ALKBH5: variants seen among roughly 807,000 people sequenced by gnomAD.
The protein encoded by ALKBH5 is RNA demethylase ALKBH5.
Under a neutral mutation model 32.1 loss-of-function variants are expected in ALKBH5, and 2 were observed. That is an observed-to-expected ratio of 0.06 (90% CI 0.03 to 0.20). The LOEUF (loss-of-function observed/expected upper bound fraction) is 0.20, where lower values mean the gene tolerates loss of function less well. Among genes scored for constraint, ALKBH5 ranks in the 10% least tolerant of loss-of-function variants. The pLI is 1.00. For synonymous variants in ALKBH5, 300 were observed against 231.7 expected, an observed-to-expected ratio of 1.29 and a Z score of -2.68; for missense variants, 352 against 559.5, an observed-to-expected ratio of 0.63 and a Z score of 3.74.
At chr17:18,208,179 C>T (rs1239581143) in intron 3 of ALKBH5, 40 bp from the exon 4 acceptor site, 2 of 1,565,054 alleles carry the variant, frequency 1.3e-6, no homozygotes, top group Admixed American at 1.9e-5. Context: ...GCGCCTCCTG[C>T]CAGCCTCTCA....
At chr17:18,187,395 G>A (rs62073654) in intron 1 of ALKBH5, among the ~76,000 whole-genome samples, 2 of 152,174 alleles carry the variant, frequency 1.3e-5, no homozygotes, top group Non-Finnish European at 1.5e-5. Flanking sequence ...GTGAACTCTA[G>A]ATCAGGGCTT....
chr17:18,203,959 TG>T (rs903092947), intron 2 of ALKBH5, among the ~76,000 whole-genome samples: 1 of 152,204 alleles, frequency 6.6e-6, no homozygotes, highest in African/African-American at 2.4e-5. Context: ...CTGGGGCTTT[TG>T]GGGCACACAG....
intron 3 of ALKBH5, 121 bp downstream of exon 3, chr17:18,207,091 T>C (rs1457253225): frequency 1.0e-5 from 14 of 1,341,000 alleles, no homozygotes; most frequent in Non-Finnish European, 1.4e-5. Flanking sequence ...CAAAACCTTA[T>C]GTCTGGTTCC....
intron 2 of ALKBH5, among the ~76,000 whole-genome samples, chr17:18,201,006 A>G (rs554791296): frequency 7.6e-6 from 1 of 131,454 alleles, no homozygotes; most frequent in South Asian, 2.2e-4. Flanking sequence ...TGGTCATTAG[A>G]TCCACAGAGT....
At position 18,184,361 on chromosome 17, in the gene ALKBH5, G is replaced by A. The variant is rs1487752522; in HGVS notation, c.118G>A (p.Ala40Thr). ...CGCCGCTGCCGCAGCCGCCGTAGCC[G>A]CCGCAGCCGCAGCCGCCGCTGCCGC... is the stretch of plus-strand genomic sequence containing the variant. ...AAAAAAAAVA[A>T]AAAAAAAAEP... Residue 40 changes from alanine (A) to threonine (T), a missense_variant, in exon 1 of 4, where the codon GCC (alanine) becomes ACC (threonine). This residue lies in a region of ALKBH5 where 144 missense variants were observed against 125.8 expected (regional missense o/e 1.14). Coordinates refer to ENST00000399138, the MANE Select transcript of ALKBH5 (RefSeq NM_017758.4). The A allele has an allele frequency of 4.0e-6, 6 of 1,514,184 alleles. 1 individual carries two copies. The Admixed American group carries it at 1.2e-4, about 29-fold the overall frequency. The allele number at this position is 1,514,184 out of a possible 1,614,324, so 93.8% of individuals were successfully genotyped here. A position where few individuals can be genotyped will look rare whatever the true frequency, so the allele number is the denominator to read the frequency against.
chr17:18,208,278 A>G lies in ALKBH5; in HGVS notation c.1067A>G (p.His356Arg). 2 of 1,614,000 alleles carry G rather than the reference A, an allele frequency of 1.2e-6. No homozygotes were observed. Among genetic ancestry groups the G allele is most frequent in the South Asian group, 2.2e-5 (2 of 91,066 alleles). ...CGGCGCTCGGTGCTGCTGCCCACAC[A>G]CCGGCGGAGGGGTAGCTTCAGCTCT... ...ENRRSVLLPT[H>R]RRRGSFSSEN... The change falls in exon 4 of 4, where the codon CAC becomes CGC. Residue 356 changes from histidine (H) to arginine (R), a missense_variant. Transcript: ENST00000399138.
Position 18,184,990 on chromosome 17 carries a change from C to T in ALKBH5, c.747C>T (p.Arg249=), listed in dbSNP as rs1177852253. The T allele has an allele frequency of 6.2e-7, 1 of 1,611,446 alleles. No individual in the cohort carries two copies. Among genetic ancestry groups the T allele is most frequent in the Non-Finnish European group, 8.5e-7 (1 of 1,179,592 alleles). ...VSEPVLSLPV[R]RGSVTVLSGY... ...AACCAGTGCTTTCCCTGCCGGTGCG[C>T]AGGGGAAGCGTGACTGTGCTCAGGT... The change falls in exon 1 of 4, where the codon CGC becomes CGT. Residue 249 remains arginine (R), a synonymous_variant. Transcript: ENST00000399138.
chr17:18,198,382 G>C (rs2047216511), intron 2 of ALKBH5, among the ~76,000 whole-genome samples: 2 of 152,184 alleles, frequency 1.3e-5, no homozygotes, highest in African/African-American at 4.8e-5. Context: ...AGGCCGGTGA[G>C]GAGCAGCTCC....
rs561710249 is a variant in ALKBH5, at chr17:18,186,481, G to A, written c.770+1468G>A. Reference sequence around the variant, plus strand: ...TCTTAGCGGGATATTAATTTTCTGCGTAGTCATTGGCCCTCAGGGTGGTTG... The same window carrying A: ...TCTTAGCGGGATATTAATTTTCTGCATAGTCATTGGCCCTCAGGGTGGTTG... On this transcript the variant is annotated intron_variant, in intron 1 of 3. Coordinates refer to ENST00000399138, the MANE Select transcript of ALKBH5 (RefSeq NM_017758.4). Among the ~76,000 whole-genome samples, 19 of 152,270 alleles carry A rather than the reference G, an allele frequency of 1.2e-4. No individual in the cohort carries two copies. The South Asian group carries it at 2.5e-3, about 20-fold the overall frequency.
intron 1 of ALKBH5, among the ~76,000 whole-genome samples, chr17:18,190,805 G>A (rs2047169903): frequency 6.6e-6 from 1 of 152,178 alleles, no homozygotes; most frequent in South Asian, 2.1e-4. Context: ...GAGAGGGTGT[G>A]GTTGAGCAAT....
At chr17:18,194,388 A>G (rs1328281261) in intron 1 of ALKBH5, among the ~76,000 whole-genome samples, 3 of 152,224 alleles carry the variant, frequency 2.0e-5, no homozygotes, top group African/African-American at 4.8e-5. Flanking sequence ...TCCTGATTTC[A>G]GGTGATCCGC....
At chr17:18,207,290 T>C (rs964219044) in intron 3 of ALKBH5, among the ~76,000 whole-genome samples, 2 of 152,230 alleles carry the variant, frequency 1.3e-5, no homozygotes, top group African/African-American at 4.8e-5. Context: ...ATCTTGGGAC[T>C]TGGATAATAG....
At chr17:18,202,085 A>C (rs2047244981) in intron 2 of ALKBH5, among the ~76,000 whole-genome samples, 1 of 152,034 alleles carries the variant, frequency 6.6e-6, no homozygotes, top group Admixed American at 6.6e-5. Context: ...AGGCGGGCGG[A>C]TCGTGAGGTC....
intron 1 of ALKBH5, among the ~76,000 whole-genome samples, chr17:18,189,766 T>C (rs769724549): frequency 2.6e-5 from 4 of 152,220 alleles, no homozygotes; most frequent in African/African-American, 4.8e-5. Context: ...AGTTGAATCT[T>C]TGTCATCTAT....
intron 2 of ALKBH5, among the ~76,000 whole-genome samples, chr17:18,202,307 C>CAAAACAA (rs368050591): frequency 3.3e-5 from 5 of 151,018 alleles, no homozygotes; most frequent in Non-Finnish European, 5.9e-5. Flanking sequence ...GACTCCGACT[C>CAAAACAA]AAAACAAAAA....
At chr17:18,194,089 A>T (rs1190782085) in intron 1 of ALKBH5, among the ~76,000 whole-genome samples, 1 of 135,466 alleles carries the variant, frequency 7.4e-6, no homozygotes, top group African/African-American at 2.7e-5. Flanking sequence ...TTTAAAAGTC[A>T]TGTAACTTGT....
At chr17:18,190,563 A>AAAAAAG (rs2047168285) in intron 1 of ALKBH5, among the ~76,000 whole-genome samples, 1 of 150,648 alleles carries the variant, frequency 6.6e-6, no homozygotes, top group African/African-American at 2.4e-5. Flanking sequence ...AAAAAAAAAA[A>AAAAAAG]AAAAAAAAAT....
In ALKBH5 at chr17:18,209,283, G is replaced by A. The variant is rs2047290812; in HGVS notation, c.*887G>A. The A allele has an allele frequency of 1.3e-5, 2 of 152,742 alleles. No homozygotes were observed. Among genetic ancestry groups the A allele is most frequent in the African/African-American group, 4.8e-5 (2 of 41,462 alleles). 9.5% of individuals were successfully genotyped at this position (152,742 alleles called of 1,614,324 possible). On this transcript the variant is annotated 3_prime_UTR_variant, in exon 4 of 4. Transcript: ENST00000399138. ...GTATGGAAAATTGTTGTGGTGTGTGGTAGGGTTTTTGTTTTCTTTTTTGAG... is the reference window on the plus strand; with the variant it reads ...GTATGGAAAATTGTTGTGGTGTGTGATAGGGTTTTTGTTTTCTTTTTTGAG...
intron 2 of ALKBH5, among the ~76,000 whole-genome samples, chr17:18,200,184 C>A (rs1473770474): frequency 3.3e-5 from 5 of 151,700 alleles, no homozygotes; most frequent in Non-Finnish European, 7.4e-5. Flanking sequence ...GATCTGGCCC[C>A]TGAGCTAGAA....
Sources: gnomAD v4.1 joint callset for allele counts (sites outside exome capture counted in the v4.1 genomes callset) on GRCh38, gnomAD v4.1.1 for gene constraint, gnomAD v4.1.1 regional missense constraint, MANE v1.5 for transcripts, NCBI Gene and HGNC (gene_info 2026-07-23, HGNC 2026-07-21) for gene names.